Variants in ABR observed in about 807,000 individuals in gnomAD.
ABR encodes the protein ABR activator of RhoGEF and GTPase.
Under a neutral mutation model 107.2 loss-of-function variants are expected in ABR, and 35 were observed. The observed-to-expected ratio is 0.33, with a 90% CI of 0.25 to 0.43. ABR has a LOEUF of 0.43. Among genes scored for constraint, ABR ranks in the 20% least tolerant of loss-of-function variants. The pLI, the probability that ABR is intolerant of heterozygous loss-of-function variation, is 1.00. For synonymous variants in ABR, 498 were observed against 462.0 expected (o/e 1.08, Z -1.00); for missense variants, 815 against 1,115.2 (o/e 0.73, Z 3.83).
chr17:1,134,422 AAATT>A (rs1398845122), intron 1 of ABR, among the ~76,000 whole-genome samples: 2 of 100,750 alleles, frequency 2.0e-5, no homozygotes, highest in Admixed American at 1.1e-4. Flanking sequence ...AAAAAAATAA[AAATT>A]AATTAATTAA....
intron 1 of ABR, among the ~76,000 whole-genome samples, chr17:1,215,473 G>C (rs769704482): frequency 6.6e-6 from 1 of 152,202 alleles, no homozygotes; most frequent in African/African-American, 2.4e-5. Flanking sequence ...GCTCCTAGCC[G>C]CGAGTGATCT....
chr17:1,126,892 G>C (rs778906993), intron 1 of ABR, among the ~76,000 whole-genome samples: 77 of 152,342 alleles, frequency 5.1e-4, no homozygotes, highest in Admixed American at 2.7e-3. Flanking sequence ...ATGAGCAGAG[G>C]ATCGCACCGT....
chr17:1,056,712 C>A (rs552345815), intron 13 of ABR, among the ~76,000 whole-genome samples: 1 of 152,288 alleles, frequency 6.6e-6, no homozygotes, highest in Admixed American at 6.5e-5. Context: ...ATTTTATCTA[C>A]CGGGTCTGCT....
intron 1 of ABR, among the ~76,000 whole-genome samples, chr17:1,172,391 G>A (rs1266674146): frequency 1.3e-5 from 2 of 152,266 alleles, no homozygotes; most frequent in Non-Finnish European, 2.9e-5. Context: ...AGGGACCAGT[G>A]GAACATTCCC....
chr17:1,012,995 C>T (rs1227032660), intron 17 of ABR, 110 bp downstream of exon 17: 10 of 1,366,900 alleles, frequency 7.3e-6, no homozygotes, highest in African/African-American at 1.4e-5. Flanking sequence ...GCGGGGAGGT[C>T]GAGGCGGCAC....
At chr17:1,042,045 G>A (rs2030619622) in intron 16 of ABR, among the ~76,000 whole-genome samples, 1 of 152,220 alleles carries the variant, frequency 6.6e-6, no homozygotes. Context: ...GGAGGCAGGT[G>A]GGGGACAGAG....
intron 1 of ABR, among the ~76,000 whole-genome samples, chr17:1,204,211 G>A (rs1475529138): frequency 1.3e-5 from 2 of 152,228 alleles, no homozygotes; most frequent in African/African-American, 4.8e-5. Context: ...TTGGGAGGAC[G>A]AGGCGGGCGG....
upstream of ABR, among the ~76,000 whole-genome samples, chr17:1,187,991 G>A (rs561218297): frequency 9.1e-4 from 137 of 150,212 alleles, no homozygotes; most frequent in Admixed American, 4.6e-3. Context: ...CAAGGCAGGC[G>A]GATCACTTGA....
intron 2 of ABR, among the ~76,000 whole-genome samples, chr17:1,101,834 C>A (rs868860411): frequency 6.6e-6 from 1 of 151,542 alleles, no homozygotes; most frequent in Non-Finnish European, 1.5e-5. Flanking sequence ...CCCGGGTTCA[C>A]GCCATTCTCC....
chr17:1,083,767 C>A, intron 4 of ABR, 140 bp from the exon 5 acceptor site: 1 of 700,026 alleles, frequency 1.4e-6, no homozygotes, highest in Non-Finnish European at 2.6e-6. Context: ...CTTGGGGAAA[C>A]GCAGGGATGA....
Position 1,031,921 on chromosome 17 carries a change from TCCTCCGCATCCCTCCTTCCCCGC to T in ABR, c.1791+18106_1791+18128del, listed in dbSNP as rs1285056391. ...GTCCGCGTCCCTCCTCCCTCCTCCCTCCTCCGCATCCCTCCTTCCCCGCCCTCCGCGAGGCTGCAGCCCAGGCT... is the reference window on the plus strand; with the variant it reads ...GTCCGCGTCCCTCCTCCCTCCTCCCTCCTCCGCGAGGCTGCAGCCCAGGCT... On this transcript the variant is annotated intron_variant, in intron 16 of 22. Transcript: ENST00000302538. 1.3e-5 allele frequency: 11 copies of T among 819,480 alleles called. No homozygotes were observed. In the Admixed American group the frequency reaches 1.1e-3, roughly 80 times the overall value. 50.8% of individuals were successfully genotyped at this position (819,480 alleles called of 1,614,324 possible). A position where few individuals can be genotyped will look rare whatever the true frequency, so the allele number is the denominator to read the frequency against.
intron 2 of ABR, among the ~76,000 whole-genome samples, chr17:1,105,210 T>C (rs376960436): frequency 7.9e-5 from 12 of 151,982 alleles, no homozygotes; most frequent in African/African-American, 2.7e-4. Flanking sequence ...GGTTTCACCA[T>C]GTTGGCCAGG....
chr17:1,110,099 G>C (rs1422146322), intron 2 of ABR, among the ~76,000 whole-genome samples: 2 of 150,850 alleles, frequency 1.3e-5, no homozygotes, highest in Admixed American at 6.6e-5. Flanking sequence ...TCCTGCAAGG[G>C]GAGTGCACAC....
intron 1 of ABR, among the ~76,000 whole-genome samples, chr17:1,153,008 G>A (rs116484655): frequency 0.016 from 2,467 of 152,132 alleles, 69 homozygotes; most frequent in African/African-American, 0.056. Context: ...AGAATCGCCT[G>A]AACCAATGAG....
At chr17:1,044,282 C>T (rs1056134218) in intron 16 of ABR, among the ~76,000 whole-genome samples, 5 of 152,212 alleles carry the variant, frequency 3.3e-5, no homozygotes, top group East Asian at 1.9e-4. Flanking sequence ...TCTGTGACCG[C>T]GGCTGCCTCG....
At chr17:1,127,430 G>A (rs559303361) in intron 1 of ABR, among the ~76,000 whole-genome samples, 1 of 152,354 alleles carries the variant, frequency 6.6e-6, no homozygotes, top group South Asian at 2.1e-4. Flanking sequence ...CTGAAGGGAT[G>A]TGAAATGACT....
intron 1 of ABR, among the ~76,000 whole-genome samples, chr17:1,166,726 GC>G (rs369036047): frequency 6.4e-4 from 98 of 152,280 alleles, no homozygotes; most frequent in African/African-American, 2.3e-3. Flanking sequence ...CAGGCCGGGC[GC>G]AGGGGCTCAC....
intron 16 of ABR, among the ~76,000 whole-genome samples, chr17:1,043,766 C>T (rs565748320): frequency 4.6e-5 from 7 of 152,232 alleles, no homozygotes; most frequent in Non-Finnish European, 8.8e-5. Flanking sequence ...GGGTCTTCAG[C>T]GCTGCTGTGC....
chr17:1,180,354 G>A (rs1269337338), upstream of ABR, among the ~76,000 whole-genome samples: 2 of 152,108 alleles, frequency 1.3e-5, no homozygotes, highest in African/African-American at 4.8e-5. Flanking sequence ...AGCGGCGGCC[G>A]GGCCCCTCCC....
Sources: gnomAD v4.1 joint callset for allele counts (sites outside exome capture counted in the v4.1 genomes callset) on GRCh38, gnomAD v4.1.1 for gene constraint, MANE v1.5 for transcripts, NCBI Gene and HGNC (gene_info 2026-07-23, HGNC 2026-07-21) for gene names.